The following USP53 variants were observed in gnomAD, a reference collection of about 807,000 sequenced individuals.
The protein encoded by USP53 is ubiquitin specific peptidase 53.
USP53 carries 71 observed loss-of-function variants against 94.9 expected under a neutral mutation model. The observed-to-expected ratio is 0.75, with a 90% CI of 0.62 to 0.91. The LOEUF (loss-of-function observed/expected upper bound fraction) is 0.91, where lower values mean the gene tolerates loss of function less well. Among genes scored for constraint, USP53 ranks in the 40% least tolerant of loss-of-function variants. USP53 has a pLI of 0.00. For missense variants in USP53, 1,173 were observed against 1,281.0 expected (o/e 0.92, Z 1.29); for synonymous variants, 375 against 422.7 (o/e 0.89, Z 1.39).
At chr4:119,267,889 CG>C (rs1751348946) in intron 13 of USP53, among the ~76,000 whole-genome samples, 1 of 152,144 alleles carries the variant, frequency 6.6e-6, no homozygotes, top group Non-Finnish European at 1.5e-5. Context: ...TAATCTGGGC[CG>C]GGCGCGGTGG....
chr4:119,259,795 T>C (rs748073761), intron 9 of USP53, 25 bp from the exon 10 acceptor site: 1 of 1,589,880 alleles, frequency 6.3e-7, no homozygotes, highest in Non-Finnish European at 8.6e-7. Context: ...ATAGGCCAGA[T>C]TTGGGATTGC....
chr4:119,290,198 A>G (rs1034963212), intron 17 of USP53, among the ~76,000 whole-genome samples: 34 of 152,186 alleles, frequency 2.2e-4, no homozygotes, highest in African/African-American at 8.2e-4. Context: ...GCTAGCTATA[A>G]TTAGAGAGAG....
At chr4:119,262,758 T>G (rs2149392325) in intron 12 of USP53, among the ~76,000 whole-genome samples, 1 of 152,332 alleles carries the variant, frequency 6.6e-6, no homozygotes, top group East Asian at 1.9e-4. Flanking sequence ...CAACTGTAAT[T>G]TGTTTACTCA....
intron 17 of USP53, among the ~76,000 whole-genome samples, chr4:119,287,854 C>T (rs951930466): frequency 4.6e-5 from 7 of 152,154 alleles, no homozygotes; most frequent in Non-Finnish European, 5.9e-5. Flanking sequence ...TGAGCACTAG[C>T]TTTGGAGTGA....
chr4:119,213,466 T>C (rs1020330431), intron 1 of USP53, among the ~76,000 whole-genome samples: 2 of 151,834 alleles, frequency 1.3e-5, no homozygotes, highest in African/African-American at 4.8e-5. Flanking sequence ...TTAAACAGTG[T>C]TGGAGAACAG....
intron 3 of USP53, among the ~76,000 whole-genome samples, chr4:119,228,681 T>G (rs56153161): frequency 0.22 from 33,362 of 151,952 alleles, 3,716 homozygotes; most frequent in African/African-American, 0.26. Flanking sequence ...TGGTAATGGT[T>G]ACATGACTGT....
chr4:119,241,901 T>C (rs2149331166), intron 5 of USP53, among the ~76,000 whole-genome samples: 1 of 152,290 alleles, frequency 6.6e-6, no homozygotes, highest in South Asian at 2.1e-4. Context: ...ATTTTCTTTC[T>C]CAGTCTTTTT....
In USP53 at chr4:119,269,829, G is replaced by T; in HGVS notation, c.1427G>T (p.Arg476Leu). The T allele has an allele frequency of 2.1e-6, 3 of 1,460,480 alleles. No homozygotes were observed. Among genetic ancestry groups the T allele is most frequent in the South Asian group, 1.6e-5 (1 of 62,106 alleles). 90.5% of individuals were successfully genotyped at this position (1,460,480 alleles called of 1,614,324 possible). Residue 476 changes from arginine (R) to leucine (L), a missense_variant, in exon 15 of 19, where the codon CGA (arginine) becomes CTA (leucine). Physicochemically the swap from Arg to Leu is moderately radical, Grantham distance 102 (BLOSUM62 -2). Coordinates refer to ENST00000692078, the MANE Select transcript of USP53 (RefSeq NM_001371395.1). ...LEKGQRKDLGRHRDLVDEDLS... is the reference protein window; with the variant it reads ...LEKGQRKDLGLHRDLVDEDLS... The stretch of plus-strand genomic sequence containing the variant: ...AAGGGACAAAGAAAAGATTTAGGAC[G>T]ACATAGAGGTAAGTTAAGATCTTGT...
intron 17 of USP53, among the ~76,000 whole-genome samples, chr4:119,281,201 T>C (rs1412401262): frequency 6.6e-6 from 1 of 152,196 alleles, no homozygotes; most frequent in East Asian, 1.9e-4. Context: ...TCAGGGTTCC[T>C]ATTGGGAGTA....
At chr4:119,241,460 A>G (rs1747522320) in intron 5 of USP53, among the ~76,000 whole-genome samples, 2 of 152,036 alleles carry the variant, frequency 1.3e-5, no homozygotes, top group African/African-American at 4.8e-5. Context: ...TCTGTATTTC[A>G]CCTTTATTTT....
chr4:119,253,360 T>C (rs1749297064), intron 7 of USP53, among the ~76,000 whole-genome samples: 3 of 152,310 alleles, frequency 2.0e-5, no homozygotes, highest in African/African-American at 7.2e-5. Context: ...CTAAGTCCCT[T>C]TGTAGAAATC....
intron 4 of USP53, among the ~76,000 whole-genome samples, chr4:119,237,267 A>G (rs1212657446): frequency 6.6e-6 from 1 of 152,196 alleles, no homozygotes; most frequent in Admixed American, 6.5e-5. Flanking sequence ...GTCTAGATTT[A>G]TCATGATTTT....
chr4:119,253,511 C>T (rs774278002), intron 7 of USP53, among the ~76,000 whole-genome samples: 4 of 151,978 alleles, frequency 2.6e-5, no homozygotes, highest in African/African-American at 7.3e-5. Flanking sequence ...TGGTTTAAAG[C>T]CTGTTTTATC....
intron 17 of USP53, among the ~76,000 whole-genome samples, chr4:119,279,621 G>A (rs1402192355): frequency 6.6e-5 from 10 of 151,738 alleles, no homozygotes; most frequent in Admixed American, 3.3e-4. Flanking sequence ...AGCTGTGGTG[G>A]GCTCCACCCA....
chr4:119,212,926 C>T, intron 1 of USP53, 53 bp downstream of exon 1: 1 of 176,178 alleles, frequency 5.7e-6, no homozygotes, highest in Non-Finnish European at 1.2e-5. Context: ...CTGCGACCCC[C>T]GCGGGCCTGA....
At chr4:119,264,604 A>G (rs188575227) in intron 12 of USP53, among the ~76,000 whole-genome samples, 3 of 152,334 alleles carry the variant, frequency 2.0e-5, no homozygotes, top group East Asian at 1.9e-4. Context: ...ATTAGCCACA[A>G]TGGAAATACA....
At chr4:119,228,503 A>G (rs375725089) in intron 3 of USP53, among the ~76,000 whole-genome samples, 1 of 152,170 alleles carries the variant, frequency 6.6e-6, no homozygotes, top group Admixed American at 6.5e-5. Flanking sequence ...GAGATAATGG[A>G]ATACATATCT....
chr4:119,237,556 A>T (rs1282969724), intron 4 of USP53, among the ~76,000 whole-genome samples: 1 of 134,912 alleles, frequency 7.4e-6, no homozygotes, highest in African/African-American at 2.8e-5. Context: ...AAAATAATTA[A>T]AAAAAAAAAA....
chr4:119,265,163 A>G (rs1350256714), intron 12 of USP53, among the ~76,000 whole-genome samples: 1 of 152,096 alleles, frequency 6.6e-6, no homozygotes, highest in Non-Finnish European at 1.5e-5. Context: ...TTTTGGGGTG[A>G]GGATTACACA....
Sources: allele counts gnomAD v4.1 joint callset (sites outside exome capture counted in the v4.1 genomes callset), GRCh38; gene constraint gnomAD v4.1.1; transcripts MANE v1.5; gene names NCBI Gene and HGNC (gene_info 2026-07-23, HGNC 2026-07-21).